Variants in NEURL1 observed in about 807,000 individuals in gnomAD.
NEURL1 encodes the protein neuralized E3 ubiquitin protein ligase 1, also known as E3 ubiquitin-protein ligase NEURL1.
NEURL1 carries 26 observed loss-of-function variants against 41.2 expected under a neutral mutation model. That is an observed-to-expected ratio of 0.63 (90% confidence interval 0.46 to 0.87). NEURL1 has a LOEUF of 0.87. Among genes scored for constraint, NEURL1 ranks in the 40% least tolerant of loss-of-function variants. NEURL1 has a pLI of 0.00. For missense variants in NEURL1, 761 were observed against 871.1 expected (o/e 0.87, Z 1.59); for synonymous variants, 400 against 402.3 (o/e 0.99, Z 0.07).
At chr10:103,495,627 TC>T (rs2033664713) in intron 1 of NEURL1, among the ~76,000 whole-genome samples, 1 of 152,140 alleles carries the variant, frequency 6.6e-6, no homozygotes, top group Admixed American at 6.5e-5. Context: ...TGGAATTCTG[TC>T]CCTTCTTTTG....
At chr10:103,501,740 C>T (rs2033830054) in intron 1 of NEURL1, among the ~76,000 whole-genome samples, 1 of 151,972 alleles carries the variant, frequency 6.6e-6, no homozygotes, top group Non-Finnish European at 1.5e-5. Context: ...TCAAGTGATT[C>T]TCCTGCCCCA....
chr10:103,570,376 G>T (rs1027021620), intron 1 of NEURL1, among the ~76,000 whole-genome samples: 1 of 152,236 alleles, frequency 6.6e-6, no homozygotes, highest in Admixed American at 6.5e-5. Flanking sequence ...GAGCCAGTTA[G>T]TGACAGCCCC....
intron 1 of NEURL1, among the ~76,000 whole-genome samples, chr10:103,504,240 C>A (rs1337304374): frequency 1.3e-5 from 2 of 152,102 alleles, no homozygotes; most frequent in Non-Finnish European, 2.9e-5. Context: ...ATCTGCCCTC[C>A]TCGGCCTCCC....
In NEURL1 at chr10:103,558,314, T is replaced by C. The variant is rs1025767058; in HGVS notation, c.86-12558T>C. ...ATGTGTGTCGGGGGTCATCTAATTG[T>C]GTGTTTTGTTTGTGGACGTGTTTTG... On this transcript the variant is annotated intron_variant, in intron 1 of 5. Transcript: ENST00000369780. The surrounding 1 kb of genome is among the most constrained non-coding windows in gnomAD (Gnocchi z 4.2). 1 of 944,894 alleles carries C rather than the reference T, an allele frequency of 1.1e-6. No homozygotes were observed. Among genetic ancestry groups the C allele is most frequent in the African/African-American group, 1.8e-5 (1 of 56,298 alleles). The allele number at this position is 944,894 out of a possible 1,614,324, so 58.5% of individuals were successfully genotyped here.
intron 1 of NEURL1, among the ~76,000 whole-genome samples, chr10:103,509,658 G>T (rs2034026871): frequency 6.6e-6 from 1 of 152,190 alleles, no homozygotes; most frequent in Non-Finnish European, 1.5e-5. Context: ...GCTCATTTCT[G>T]TATAAGAAGA....
chr10:103,562,348 T>A (rs2029672), intron 1 of NEURL1, among the ~76,000 whole-genome samples: 127,513 of 152,200 alleles, frequency 0.84, 53,571 homozygotes, highest in East Asian at 1. Context: ...ACGCCACGAC[T>A]CTCCACCCTG....
chr10:103,564,706 C>T (rs2035380355), intron 1 of NEURL1, among the ~76,000 whole-genome samples: 1 of 152,214 alleles, frequency 6.6e-6, no homozygotes, highest in East Asian at 1.9e-4. Flanking sequence ...AGAATAGGGA[C>T]CTTAAAGGGT....
chr10:103,534,022 G>A (rs553688578), intron 1 of NEURL1, among the ~76,000 whole-genome samples: 24 of 152,088 alleles, frequency 1.6e-4, no homozygotes, highest in South Asian at 8.3e-4. Flanking sequence ...TTGATCAAGC[G>A]CTGTTGAAGC....
At chr10:103,539,682 A>G (rs2034776042) in intron 1 of NEURL1, among the ~76,000 whole-genome samples, 1 of 152,220 alleles carries the variant, frequency 6.6e-6, no homozygotes. Flanking sequence ...AACTCATCTT[A>G]TGGCTGAGGA....
intron 1 of NEURL1, among the ~76,000 whole-genome samples, chr10:103,516,598 A>G (rs2034211984): frequency 6.6e-6 from 1 of 152,140 alleles, no homozygotes; most frequent in African/African-American, 2.4e-5. Flanking sequence ...GGTGGACAGA[A>G]TGAAACCATG....
intron 1 of NEURL1, among the ~76,000 whole-genome samples, chr10:103,502,463 T>G (rs2033847048): frequency 6.6e-6 from 1 of 152,174 alleles, no homozygotes; most frequent in South Asian, 2.1e-4. Context: ...TGTGTGCATA[T>G]GGAGCGAGAA....
intron 1 of NEURL1, among the ~76,000 whole-genome samples, chr10:103,519,845 G>A (rs1170256592): frequency 2.6e-5 from 4 of 151,258 alleles, no homozygotes; most frequent in African/African-American, 7.3e-5. Context: ...GTACAGTGGC[G>A]TGATAATGGT....
Position 103,584,822 on chromosome 10 carries a change from G to T in NEURL1, c.936G>T (p.Thr312=). Residue 312 remains threonine (T), a synonymous_variant, in exon 4 of 6, where the codon ACG becomes ACT. Transcript: ENST00000369780. Reference sequence around the variant, plus strand: ...ACGTCCGCATCCTCGACGAGCAGACGGTGGCGCGCGTGGAGCACGGGCGCG... The same window carrying T: ...ACGTCCGCATCCTCGACGAGCAGACTGTGGCGCGCGTGGAGCACGGGCGCG... The part of the protein sequence containing the change: ...GAHVRILDEQ[T]VARVEHGRDE... The T allele has an allele frequency of 7.1e-7, 1 of 1,417,588 alleles. No individual in the cohort carries two copies. The highest frequency in any genetic ancestry group is 1.5e-5 in the South Asian group (1 of 68,570). The allele number at this position is 1,417,588 out of a possible 1,614,324, so 87.8% of individuals were successfully genotyped here.
At chr10:103,533,752 G>A (rs938909812) in intron 1 of NEURL1, among the ~76,000 whole-genome samples, 1 of 152,126 alleles carries the variant, frequency 6.6e-6, no homozygotes, top group African/African-American at 2.4e-5. Context: ...TAGCCAGGAT[G>A]GTCTCGATCT....
intron 1 of NEURL1, among the ~76,000 whole-genome samples, chr10:103,564,436 C>A (rs7084927): frequency 1.3e-5 from 2 of 150,302 alleles, no homozygotes; most frequent in African/African-American, 4.9e-5. Flanking sequence ...AGCCCACACG[C>A]CCCCCCCATT....
At chr10:103,562,101 G>T (rs1229523439) in intron 1 of NEURL1, among the ~76,000 whole-genome samples, 3 of 152,166 alleles carry the variant, frequency 2.0e-5, no homozygotes, top group Non-Finnish European at 4.4e-5. Flanking sequence ...AAAAGACAAT[G>T]GCTCTGGGCA....
At chr10:103,510,527 T>C (rs2034045779) in intron 1 of NEURL1, among the ~76,000 whole-genome samples, 1 of 152,150 alleles carries the variant, frequency 6.6e-6, no homozygotes, top group Non-Finnish European at 1.5e-5. Context: ...TGGGCCAGGT[T>C]GGGCCAACAG....
rs2133888533 is a variant in NEURL1 at position 103,590,961 on chromosome 10, C to G, written c.*589C>G. On this transcript the variant is annotated 3_prime_UTR_variant, in exon 6 of 6. Coordinates refer to ENST00000369780, the MANE Select transcript of NEURL1 (RefSeq NM_004210.5). ...TACCTTCTCTTTCTTCGTTCCCTGC[C>G]CACTGGGCATGGCAGCTGGGGGTGA... 6.5e-6 allele frequency: 1 copy of G among 154,010 alleles called. No individual in the cohort carries two copies. The highest frequency in any genetic ancestry group is 2.1e-4 in the South Asian group (1 of 4,866). The allele number at this position is 154,010 out of a possible 1,614,324, so 9.5% of individuals were successfully genotyped here. A position where few individuals can be genotyped will look rare whatever the true frequency, so the allele number is the denominator to read the frequency against.
At chr10:103,528,755 G>A (rs1347539400) in intron 1 of NEURL1, among the ~76,000 whole-genome samples, 1 of 152,158 alleles carries the variant, frequency 6.6e-6, no homozygotes, top group Non-Finnish European at 1.5e-5. Context: ...CAAACTAAAT[G>A]ATAAGTTTAG....
Sources: gnomAD v4.1 joint callset for allele counts (sites outside exome capture counted in the v4.1 genomes callset) on GRCh38, gnomAD v4.1.1 for gene constraint, Gnocchi (gnomAD v3.1) non-coding constraint, MANE v1.5 for transcripts, NCBI Gene and HGNC (gene_info 2026-07-23, HGNC 2026-07-21) for gene names.